Variants in CUL1 observed in about 807,000 individuals in gnomAD.
The protein encoded by CUL1 is cullin 1, also known as cullin-1.
A neutral mutation model predicts 118.0 loss-of-function variants in CUL1; 24 were observed. That is an observed-to-expected ratio of 0.20 (90% CI 0.15 to 0.29). The LOEUF (loss-of-function observed/expected upper bound fraction) is 0.29, where lower values mean the gene tolerates loss of function less well. CUL1 is among the 10% of genes least tolerant of loss of function. The probability of loss-of-function intolerance (pLI) is 1.00; values close to 1 mark genes in which losing one functional copy is unlikely to be tolerated. For synonymous variants in CUL1, 332 were observed against 340.4 expected, an observed-to-expected ratio of 0.98 and a Z score of 0.27; for missense variants, 361 against 933.8, an observed-to-expected ratio of 0.39 and a Z score of 7.99.
intron 9 of CUL1, among the ~76,000 whole-genome samples, chr7:148,782,742 TC>T (rs1277679960): frequency 4.6e-5 from 7 of 152,278 alleles, no homozygotes; most frequent in African/African-American, 1.7e-4. Flanking sequence ...AACAAGTAAA[TC>T]AAATGTTATA....
At chr7:148,769,101 G>A (rs61546291) in intron 9 of CUL1, among the ~76,000 whole-genome samples, 4,619 of 152,120 alleles carry the variant, frequency 0.03, 243 homozygotes, top group African/African-American at 0.11. Flanking sequence ...CCTGCACTCG[G>A]ATCTCAGCTC....
chr7:148,761,372 A>G (rs1190718598), intron 7 of CUL1, among the ~76,000 whole-genome samples: 2 of 152,074 alleles, frequency 1.3e-5, no homozygotes, highest in South Asian at 2.1e-4. Flanking sequence ...TTATCTGGGC[A>G]TGGTGGCACG....
chr7:148,768,218 A>G (rs1800070582), intron 9 of CUL1, among the ~76,000 whole-genome samples: 1 of 152,100 alleles, frequency 6.6e-6, no homozygotes, highest in Admixed American at 6.6e-5. Context: ...GCTACATAGA[A>G]TATTCCTGCT....
chr7:148,771,744 G>A (rs1385387372), intron 9 of CUL1, among the ~76,000 whole-genome samples: 4 of 152,202 alleles, frequency 2.6e-5, no homozygotes, highest in African/African-American at 9.7e-5. Context: ...GCAAGGGATA[G>A]GAGAAATGGC....
At chr7:148,723,342 G>C (rs1343462943) in intron 1 of CUL1, among the ~76,000 whole-genome samples, 1 of 152,154 alleles carries the variant, frequency 6.6e-6, no homozygotes, top group Non-Finnish European at 1.5e-5. Flanking sequence ...GCTGTGTAGG[G>C]CCACCTTCTC....
intron 2 of CUL1, among the ~76,000 whole-genome samples, chr7:148,753,254 C>T (rs534297926): frequency 2.6e-5 from 4 of 152,012 alleles, no homozygotes; most frequent in Non-Finnish European, 4.4e-5. Context: ...AGTATCTTTC[C>T]GTTCATTTTA....
intron 1 of CUL1, among the ~76,000 whole-genome samples, chr7:148,701,197 T>G (rs1459520859): frequency 6.6e-6 from 1 of 152,054 alleles, no homozygotes; most frequent in Non-Finnish European, 1.5e-5. Context: ...ACTTAACGTT[T>G]GAAAACATGC....
At position 148,767,764 on chromosome 7, in the gene CUL1, A is replaced by T; in HGVS notation, c.1083+15A>T. The T allele has an allele frequency of 6.2e-7, 1 of 1,611,064 alleles. No individual in the cohort carries two copies. Among genetic ancestry groups the T allele is most frequent in the Non-Finnish European group, 8.5e-7 (1 of 1,178,892 alleles). ...CTGCTTTAAATGTAAGTGAGATTTC[A>T]TTGAAAATCAGTCAGGCTGATTATT... On this transcript the variant is annotated intron_variant, in intron 9 of 21. Transcript: ENST00000325222.
chr7:148,797,424 G>A (rs4725791), intron 17 of CUL1, among the ~76,000 whole-genome samples: 11,102 of 149,254 alleles, frequency 0.074, 487 homozygotes, highest in African/African-American at 0.1. Flanking sequence ...TGCTCATGGC[G>A]CAGTTGAAAT....
At chr7:148,702,643 C>T (rs1025396598) in intron 1 of CUL1, among the ~76,000 whole-genome samples, 5 of 152,162 alleles carry the variant, frequency 3.3e-5, no homozygotes, top group African/African-American at 1.2e-4. Flanking sequence ...CATGCTTCAG[C>T]GCTATTGCAG....
intron 9 of CUL1, among the ~76,000 whole-genome samples, chr7:148,776,223 A>G (rs1002416253): frequency 1.3e-5 from 2 of 150,178 alleles, no homozygotes; most frequent in African/African-American, 4.9e-5. Context: ...CCTCCTGTCC[A>G]GGACGCCATG....
chr7:148,780,079 T>C (rs551177161), intron 9 of CUL1, among the ~76,000 whole-genome samples: 1 of 150,814 alleles, frequency 6.6e-6, no homozygotes, highest in East Asian at 2.0e-4. Context: ...TGTGGGACCT[T>C]GTGATTGTGT....
intron 15 of CUL1, 94 bp downstream of exon 15, chr7:148,789,920 C>G: frequency 8.7e-7 from 1 of 1,154,490 alleles, no homozygotes; most frequent in Non-Finnish European, 1.3e-6. Flanking sequence ...TGCAGATGGC[C>G]TTCCTGCTGG....
At chr7:148,757,247 A>G in intron 4 of CUL1, 97 bp downstream of exon 4, 1 of 665,724 alleles carries the variant, frequency 1.5e-6, no homozygotes, top group Middle Eastern at 3.9e-4. Context: ...GCAAATATTA[A>G]GCTTTTTTCA....
At chr7:148,779,000 C>T (rs1584810997) in intron 9 of CUL1, among the ~76,000 whole-genome samples, 1 of 152,352 alleles carries the variant, frequency 6.6e-6, no homozygotes, top group East Asian at 1.9e-4. Flanking sequence ...AGCACCACAA[C>T]TGATCCCCAG....
intron 2 of CUL1, among the ~76,000 whole-genome samples, chr7:148,747,956 A>G (rs1246852923): frequency 6.6e-6 from 1 of 152,252 alleles, no homozygotes; most frequent in Non-Finnish European, 1.5e-5. Flanking sequence ...CTAGGAGAAA[A>G]TAGAAAGGGG....
intron 1 of CUL1, among the ~76,000 whole-genome samples, chr7:148,712,675 C>T (rs1039881932): frequency 6.6e-6 from 1 of 152,154 alleles, no homozygotes; most frequent in African/African-American, 2.4e-5. Flanking sequence ...ATTTTATTTT[C>T]GTAACTCACT....
At chr7:148,739,269 A>G (rs550104129) in intron 2 of CUL1, among the ~76,000 whole-genome samples, 34 of 152,348 alleles carry the variant, frequency 2.2e-4, no homozygotes, top group Admixed American at 4.6e-4. Flanking sequence ...GAGCCTGCTC[A>G]TTCCATTTCT....
chr7:148,733,169 A>G (rs1001622281), intron 2 of CUL1, among the ~76,000 whole-genome samples: 1 of 152,212 alleles, frequency 6.6e-6, no homozygotes, highest in African/African-American at 2.4e-5. Flanking sequence ...GTCTTCAGCT[A>G]CTGTATTTGA....
Sources: allele counts gnomAD v4.1 joint callset (sites outside exome capture counted in the v4.1 genomes callset), GRCh38; gene constraint gnomAD v4.1.1; transcripts MANE v1.5; gene names NCBI Gene and HGNC (gene_info 2026-07-23, HGNC 2026-07-21).